Variants in CCDC191 observed in about 807,000 individuals in gnomAD.
CCDC191 encodes coiled-coil domain-containing protein 191.
A neutral mutation model predicts 114.0 loss-of-function variants in CCDC191; 99 were observed. That is an observed-to-expected ratio of 0.87 (90% CI 0.74 to 1.03). The LOEUF is 1.03. Among genes scored for constraint, CCDC191 ranks in the 50% least tolerant of loss-of-function variants. The probability of loss-of-function intolerance (pLI) is 0.00; values close to 1 mark genes in which losing one functional copy is unlikely to be tolerated. For missense variants in CCDC191, 973 were observed against 1,087.0 expected, an observed-to-expected ratio of 0.90 and a Z score of 1.47; for synonymous variants, 351 against 376.0, an observed-to-expected ratio of 0.93 and a Z score of 0.77.
chr3:113,967,272 C>A (rs868030830), intron 16 of CCDC191, among the ~76,000 whole-genome samples: 10 of 152,164 alleles, frequency 6.6e-5, no homozygotes, highest in African/African-American at 2.4e-4. Flanking sequence ...CTTTTGGCTA[C>A]ACTCCTGTTC....
intron 8 of CCDC191, among the ~76,000 whole-genome samples, chr3:114,015,142 G>C (rs1433548958): frequency 6.6e-6 from 1 of 151,976 alleles, no homozygotes; most frequent in Non-Finnish European, 1.5e-5. Context: ...TTTCCAGACA[G>C]TGCCTGTTAA....
At chr3:114,013,905 A>G (rs1357855796) in intron 8 of CCDC191, among the ~76,000 whole-genome samples, 1 of 152,112 alleles carries the variant, frequency 6.6e-6, no homozygotes, top group East Asian at 1.9e-4. Context: ...ATCCTCAAAA[A>G]CAGTGTCAGT....
At chr3:114,036,497 C>A in intron 5 of CCDC191, 111 bp downstream of exon 5, 1 of 681,890 alleles carries the variant, frequency 1.5e-6, no homozygotes, top group Non-Finnish European at 2.3e-6. Flanking sequence ...AACCAAACCA[C>A]AGATGGCACC....
At chr3:114,017,755 GA>G (rs2076183604) in intron 8 of CCDC191, among the ~76,000 whole-genome samples, 1 of 152,110 alleles carries the variant, frequency 6.6e-6, no homozygotes, top group Non-Finnish European at 1.5e-5. Flanking sequence ...ATGAGGGGAG[GA>G]AACTTAGAGG....
Position 114,003,029 on chromosome 3 carries a change from G to A in CCDC191, c.1979-491C>T, listed in dbSNP as rs374804716. 1.6e-5 allele frequency: 16 copies of A among 985,134 alleles called. 1 individual carries two copies. The South Asian group carries it at 5.6e-4, about 35-fold the overall frequency. The allele number at this position is 985,134 out of a possible 1,614,324, so 61.0% of individuals were successfully genotyped here. On this transcript the variant is annotated intron_variant, in intron 11 of 16. Coordinates refer to ENST00000295878, the MANE Select transcript of CCDC191 (RefSeq NM_020817.2). ...ATAACAACAAACAAACTAAAGTTTG[G>A]GGTCACGATGAATATATTTGAATCT... is the stretch of plus-strand genomic sequence containing the variant.
intron 16 of CCDC191, among the ~76,000 whole-genome samples, chr3:113,969,585 G>C (rs1559865704): frequency 6.6e-6 from 1 of 152,104 alleles, no homozygotes; most frequent in Non-Finnish European, 1.5e-5. Flanking sequence ...TGTTTTTCCA[G>C]CACCATTTAT....
intron 16 of CCDC191, among the ~76,000 whole-genome samples, chr3:113,976,606 G>A (rs1941368811): frequency 6.7e-6 from 1 of 150,272 alleles, no homozygotes; most frequent in Non-Finnish European, 1.5e-5. Context: ...CAAAAAGGAT[G>A]TTTAATAATA....
At chr3:114,001,820 T>C (rs2075861878) in intron 12 of CCDC191, 124 bp from the exon 13 acceptor site, 1 of 1,217,538 alleles carries the variant, frequency 8.2e-7, no homozygotes, top group South Asian at 1.5e-5. Flanking sequence ...AAGTCTGCAT[T>C]TTGTGATAAA....
chr3:113,965,517 GT>G, intron 16 of CCDC191, 158 bp from the exon 17 acceptor site: 1 of 413,140 alleles, frequency 2.4e-6, no homozygotes, highest in East Asian at 3.6e-5. Flanking sequence ...GTGAAATGCT[GT>G]GAAAAAAATA....
chr3:113,981,224 T>C (rs1342800330), intron 13 of CCDC191, among the ~76,000 whole-genome samples: 2 of 152,200 alleles, frequency 1.3e-5, no homozygotes, highest in Non-Finnish European at 2.9e-5. Context: ...TACTAGTATT[T>C]TTCTTTTTAA....
intron 1 of CCDC191, among the ~76,000 whole-genome samples, chr3:114,055,005 A>AAATAAT (rs541235858): frequency 4.3e-4 from 65 of 150,708 alleles, no homozygotes; most frequent in Admixed American, 2.1e-3. Flanking sequence ...ATACTCTTTA[A>AAATAAT]AATAATAATA....
intron 13 of CCDC191, among the ~76,000 whole-genome samples, chr3:113,992,186 T>C (rs2107638076): frequency 6.6e-6 from 1 of 152,274 alleles, no homozygotes; most frequent in South Asian, 2.1e-4. Context: ...AGTTTCACTT[T>C]ATCTAGGTCA....
At position 114,031,712 on chromosome 3, in the gene CCDC191, TGTGA is replaced by T. The variant is rs1319845251; in HGVS notation, c.882_885del (p.His295PhefsTer9). The T allele has an allele frequency of 1.3e-6, 2 of 1,567,734 alleles. No homozygotes were observed. Among genetic ancestry groups the T allele is most frequent in the South Asian group, 1.1e-5 (1 of 90,012 alleles). On this transcript the variant is annotated frameshift_variant, in exon 7 of 17. Transcript: ENST00000295878. LOFTEE classifies it high-confidence loss of function. ...ACCATTTTTTCCTCATCTGGAAGAA[TGTGA>T]GTACTTTGAAACATGACTTTTTCTG...
intron 13 of CCDC191, among the ~76,000 whole-genome samples, chr3:113,983,552 C>G (rs1276631198): frequency 6.6e-6 from 1 of 152,140 alleles, no homozygotes; most frequent in African/African-American, 2.4e-5. Flanking sequence ...AGGTATTTCC[C>G]ATACTGCTTC....
intron 2 of CCDC191, among the ~76,000 whole-genome samples, chr3:114,049,890 A>C (rs1482285342): frequency 6.6e-6 from 1 of 152,334 alleles, no homozygotes; most frequent in African/African-American, 2.4e-5. Context: ...TTAACAACTT[A>C]TTCTTTCAGC....
At chr3:114,023,503 C>T (rs1462471149) in intron 7 of CCDC191, among the ~76,000 whole-genome samples, 1 of 152,176 alleles carries the variant, frequency 6.6e-6, no homozygotes, top group Non-Finnish European at 1.5e-5. Flanking sequence ...GGTACCAAAA[C>T]AGAGATATAG....
intron 13 of CCDC191, among the ~76,000 whole-genome samples, chr3:113,997,780 C>T (rs1378049586): frequency 6.6e-6 from 1 of 152,088 alleles, no homozygotes; most frequent in African/African-American, 2.4e-5. Context: ...ACCAAGGTGG[C>T]CCTATGAGGT....
Position 114,035,159 on chromosome 3 carries a change from A to T in CCDC191, c.595-11T>A. On this transcript the variant is annotated splice_polypyrimidine_tract_variant and intron_variant, in intron 5 of 16. Transcript: ENST00000295878. ...GCGATTTTCTTTTACCTTAAAGCAA[A>T]TATAATAAAGATGAAGTGTGGCCTT... 6.3e-7 allele frequency: 1 copy of T among 1,592,888 alleles called. No homozygotes were observed. The highest frequency in any genetic ancestry group is 8.6e-7 in the Non-Finnish European group (1 of 1,163,328).
chr3:113,990,830 G>T (rs1195765809), intron 13 of CCDC191, among the ~76,000 whole-genome samples: 1 of 150,992 alleles, frequency 6.6e-6, no homozygotes, highest in Non-Finnish European at 1.5e-5. Flanking sequence ...GGCTGGTGTG[G>T]TGGTGCATGC....
Sources: gnomAD v4.1 joint callset for allele counts (sites outside exome capture counted in the v4.1 genomes callset) on GRCh38, gnomAD v4.1.1 for gene constraint, MANE v1.5 for transcripts, NCBI Gene and HGNC (gene_info 2026-07-23, HGNC 2026-07-21) for gene names.